The following MZT2A variants were observed in gnomAD, a reference collection of about 807,000 sequenced individuals.
The protein encoded by MZT2A is mitotic spindle organizing protein 2A.
MZT2A carries 8 observed loss-of-function variants against 12.4 expected under a neutral mutation model. The ratio of observed to expected loss-of-function variants is 0.64; its 90% CI spans 0.38 to 1.16. MZT2A has a LOEUF of 1.16. Ranked by LOEUF, MZT2A falls within the 50% of genes most tolerant of loss-of-function variation. MZT2A has a pLI of 0.01. For synonymous variants in MZT2A, 88 were observed against 107.5 expected, an observed-to-expected ratio of 0.82 and a Z score of 1.12; for missense variants, 181 against 223.6, an observed-to-expected ratio of 0.81 and a Z score of 1.22.
At chr2:131,476,181 T>TA in intron 2 of MZT2A, 9 of 1,613,914 alleles carry the variant, frequency 5.6e-6, no homozygotes, top group Non-Finnish European at 7.6e-6. Context: ...AGCGTTGGGC[T>TA]GAAGCAGCGG....
downstream of MZT2A, chr2:131,480,584 G>A: frequency 6.2e-7 from 1 of 1,611,666 alleles, no homozygotes; most frequent in Non-Finnish European, 8.5e-7. Flanking sequence ...CCTGCTTCGA[G>A]CCAGCCAATC....
chr2:131,471,190 A>G (rs1704975248), intron 3 of MZT2A, among the ~76,000 whole-genome samples: 1 of 139,892 alleles, frequency 7.1e-6, no homozygotes, highest in Admixed American at 6.7e-5. Flanking sequence ...GCTCAGAGTC[A>G]CTGTGACTGT....
At chr2:131,479,455 T>C (rs1678777528), downstream of MZT2A, 1 of 1,613,688 alleles carries the variant, frequency 6.2e-7, no homozygotes, top group Admixed American at 1.7e-5. Context: ...ATCCGCAAAC[T>C]GGTAAGAAGA....
intron 2 of MZT2A, 33 bp downstream of exon 2, chr2:131,491,843 C>T: frequency 7.3e-7 from 1 of 1,366,246 alleles, no homozygotes; most frequent in Non-Finnish European, 9.7e-7. Context: ...CCACCCCCGC[C>T]ACTGGGGCAG....
At chr2:131,473,409 G>T (rs1678533745) in intron 2 of MZT2A, among the ~76,000 whole-genome samples, 1 of 147,298 alleles carries the variant, frequency 6.8e-6, no homozygotes, top group African/African-American at 2.7e-5. Context: ...TGGACCTCAT[G>T]AGTCCCATCC....
At chr2:131,477,981 G>T (rs905264596) in intron 2 of MZT2A, among the ~76,000 whole-genome samples, 7 of 152,240 alleles carry the variant, frequency 4.6e-5, no homozygotes, top group Middle Eastern at 3.4e-3. Flanking sequence ...AGCTAGTATG[G>T]TTTACAGCAA....
chr2:131,473,078 C>T (rs1678510579), intron 2 of MZT2A, among the ~76,000 whole-genome samples: 1 of 152,166 alleles, frequency 6.6e-6, no homozygotes, highest in Non-Finnish European at 1.5e-5. Context: ...GGTGCTACCT[C>T]CCCATGGGAG....
At chr2:131,490,095 G>A in intron 2 of MZT2A, 1 of 766,360 alleles carries the variant, frequency 1.3e-6, no homozygotes, top group Non-Finnish European at 1.6e-6. Context: ...GCTCTGGGTG[G>A]CAGTGAGGTG....
At position 131,491,096 on chromosome 2, in the gene MZT2A, G is replaced by A. The variant is rs947659047; in HGVS notation, c.319+780C>T. On this transcript the variant is annotated intron_variant, in intron 2 of 2. Transcript: ENST00000309451. ...TGCTTCCAGGCAGGGAGCCAGCTCT[G>A]GGCCTCCTTCCATTGGCCTGGGAGG... The A allele has an allele frequency of 1.9e-5, 15 of 784,040 alleles. No homozygotes were observed. The Admixed American group carries it at 3.4e-4, about 18-fold the overall frequency. The allele number at this position is 784,040 out of a possible 1,614,324, so 48.6% of individuals were successfully genotyped here.
rs2621996 is a variant in MZT2A, at chr2:131,478,144, T to A, written c.279-5962A>T. 3.4e-4 allele frequency: 550 copies of A among 1,605,360 alleles called. 6 individuals are homozygous for A. The African/African-American group carries it at 6.5e-3, about 19-fold the overall frequency. ...GTTGCCTTGAAATGAATGGGTTCAC[T>A]TTTATGTTCCTGTTCACAGCGCGAG... On this transcript the variant is annotated intron_variant and NMD_transcript_variant, in intron 2 of 4. Transcript: ENST00000427024.
chr2:131,482,184 G>T (rs1559351770), downstream of MZT2A, among the ~76,000 whole-genome samples: 1 of 152,224 alleles, frequency 6.6e-6, no homozygotes, highest in Admixed American at 6.5e-5. Context: ...TGTGTACTCT[G>T]AATCTATCTG....
chr2:131,492,796 G>A (rs962666670), upstream of MZT2A: 253 of 853,204 alleles, frequency 3.0e-4, 3 homozygotes, highest in Non-Finnish European at 3.9e-4. Context: ...GGGGTGGGGG[G>A]CACTAATCAA....
rs942464279 is a variant in MZT2A, at chr2:131,471,450, AAAAAAAAG to A, written c.393+610_393+617del. 4.4e-5 allele frequency among the ~76,000 whole-genome samples: 6 copies of A among 135,520 alleles called. 1 individual carries two copies. The highest frequency in any genetic ancestry group is 1.9e-4 in the African/African-American group (5 of 26,302). 88.9% of individuals were successfully genotyped at this position (135,520 alleles called of 152,430 possible). A position where few individuals can be genotyped will look rare whatever the true frequency, so the allele number is the denominator to read the frequency against. On this transcript the variant is annotated intron_variant and NMD_transcript_variant, in intron 3 of 4. Transcript: ENST00000427024. ...CAGAGAGAGACTCTGTCTCAAAAAA[AAAAAAAAG>A]AAAAAAAGAAAAGAAAAAAGAACCT...
At chr2:131,479,270 G>T (rs1425681852), downstream of MZT2A, 1 of 1,607,494 alleles carries the variant, frequency 6.2e-7, no homozygotes, top group African/African-American at 1.3e-5. Flanking sequence ...GTGAGTACAG[G>T]CCTTAAAAAT....
upstream of MZT2A, chr2:131,492,544 T>C: frequency 8.8e-7 from 1 of 1,132,992 alleles, no homozygotes; most frequent in Non-Finnish European, 1.1e-6. Flanking sequence ...GCCCAACAGT[T>C]AGTGGGCGCT....
At chr2:131,488,128 G>C (rs962933518) in intron 2 of MZT2A, among the ~76,000 whole-genome samples, 9 of 152,280 alleles carry the variant, frequency 5.9e-5, no homozygotes, top group Admixed American at 3.3e-4. Context: ...TGTGTGGCTC[G>C]AAGTTCCTGT....
intron 2 of MZT2A, chr2:131,490,738 A>C: frequency 6.5e-7 from 1 of 1,546,986 alleles, no homozygotes; most frequent in South Asian, 1.2e-5. Context: ...ACAGGCAGCA[A>C]GAGAGGCGGA....
chr2:131,484,757 A>G (rs1573867625), intron 2 of MZT2A, among the ~76,000 whole-genome samples: 1 of 151,892 alleles, frequency 6.6e-6, no homozygotes, highest in African/African-American at 2.4e-5. Context: ...TTTCCTACCT[A>G]CCCGAGTGTT....
At chr2:131,490,673 G>A in intron 2 of MZT2A, 1 of 1,549,384 alleles carries the variant, frequency 6.5e-7, no homozygotes, top group African/African-American at 1.4e-5. Flanking sequence ...TGAAAACAAG[G>A]AAGAGCACCA....
Sources: gnomAD v4.1 joint callset for allele counts (sites outside exome capture counted in the v4.1 genomes callset) on GRCh38, gnomAD v4.1.1 for gene constraint, MANE v1.5 for transcripts, NCBI Gene and HGNC (gene_info 2026-07-23, HGNC 2026-07-21) for gene names.